The following TAFA2 variants were observed in gnomAD, a reference collection of about 807,000 sequenced individuals.
TAFA2 encodes TAFA chemokine like family member 2.
In TAFA2, 7 loss-of-function variants were observed where a neutral mutation model predicts 18.8. That is an observed-to-expected ratio of 0.37 (90% confidence interval 0.21 to 0.70). The LOEUF (loss-of-function observed/expected upper bound fraction) is 0.70, where lower values mean the gene tolerates loss of function less well. Ranked by LOEUF, TAFA2 falls within the 30% of genes least tolerant of loss-of-function variation. The probability of loss-of-function intolerance (pLI) is 0.53; values close to 1 mark genes in which losing one functional copy is unlikely to be tolerated. For missense variants in TAFA2, 122 were observed against 158.1 expected, an observed-to-expected ratio of 0.77 and a Z score of 1.23; for synonymous variants, 60 against 54.2, an observed-to-expected ratio of 1.11 and a Z score of -0.47.
At chr12:62,007,083 C>T (rs1213401562) in intron 1 of TAFA2, among the ~76,000 whole-genome samples, 1 of 152,086 alleles carries the variant, frequency 6.6e-6, no homozygotes, top group Admixed American at 6.6e-5. Flanking sequence ...CACCTGGCCA[C>T]CTCTCTACCA....
intron 2 of TAFA2, among the ~76,000 whole-genome samples, chr12:61,847,179 C>A (rs927801899): frequency 6.6e-6 from 1 of 152,210 alleles, no homozygotes; most frequent in Non-Finnish European, 1.5e-5. Flanking sequence ...ATCTCTTCTG[C>A]TGTTGTGATT....
intron 1 of TAFA2, among the ~76,000 whole-genome samples, chr12:61,977,174 C>A (rs1312626535): frequency 6.6e-6 from 1 of 152,130 alleles, no homozygotes; most frequent in South Asian, 2.1e-4. Flanking sequence ...ACTACATATA[C>A]TTTACTCCCA....
chr12:61,967,141 T>A (rs1879095130), intron 1 of TAFA2, among the ~76,000 whole-genome samples: 2 of 151,846 alleles, frequency 1.3e-5, no homozygotes, highest in South Asian at 4.1e-4. Flanking sequence ...AGCGAAGATG[T>A]GACATTTGAG....
intron 1 of TAFA2, among the ~76,000 whole-genome samples, chr12:62,179,920 C>T (rs986914612): frequency 2.6e-5 from 4 of 152,130 alleles, no homozygotes; most frequent in African/African-American, 9.7e-5. Context: ...CAGTTCACTC[C>T]GGTCTGCCAT....
intron 2 of TAFA2, among the ~76,000 whole-genome samples, chr12:61,824,467 T>G (rs1352051888): frequency 6.6e-6 from 1 of 152,168 alleles, no homozygotes; most frequent in Non-Finnish European, 1.5e-5. Context: ...GTATAGAGTA[T>G]GTATTAGTGC....
chr12:61,718,803 C>A (rs1158148723), intron 4 of TAFA2, among the ~76,000 whole-genome samples: 1 of 152,064 alleles, frequency 6.6e-6, no homozygotes, highest in East Asian at 1.9e-4. Flanking sequence ...CCCCTTTCTG[C>A]CAGAAAGCTT....
At chr12:62,042,302 A>C (rs1881778148) in intron 1 of TAFA2, among the ~76,000 whole-genome samples, 1 of 152,074 alleles carries the variant, frequency 6.6e-6, no homozygotes, top group East Asian at 1.9e-4. Context: ...AATTAGGTTC[A>C]AACAGAAACA....
chr12:62,231,470 G>A lies in TAFA2; in HGVS notation c.-130+27293C>T, dbSNP rs1359928207. On this transcript the variant is annotated intron_variant, in intron 1 of 5. Coordinates refer to the TAFA2 transcript ENST00000551619. ...TTTCTTCACTTTCTACGTCTTTTTGGTAAAGTGAGTTTCACGTAGGCAGCA... is the reference window on the plus strand; with the variant it reads ...TTTCTTCACTTTCTACGTCTTTTTGATAAAGTGAGTTTCACGTAGGCAGCA... 3.3e-5 allele frequency among the ~76,000 whole-genome samples: 5 copies of A among 151,888 alleles called. No homozygotes were observed. The East Asian group carries it at 9.6e-4, about 29-fold the overall frequency.
chr12:61,745,212 T>C (rs1868644276), intron 4 of TAFA2, among the ~76,000 whole-genome samples: 1 of 152,130 alleles, frequency 6.6e-6, no homozygotes, highest in Non-Finnish European at 1.5e-5. Context: ...ATGTAAAACA[T>C]AAAACTTGCT....
At chr12:61,771,144 A>T (rs1870006566) in intron 2 of TAFA2, among the ~76,000 whole-genome samples, 1 of 152,108 alleles carries the variant, frequency 6.6e-6, no homozygotes, top group African/African-American at 2.4e-5. Context: ...GTTTAAAAAG[A>T]CAAAGAAGGA....
chr12:62,199,239 A>T (rs182354416), intron 1 of TAFA2, among the ~76,000 whole-genome samples: 1 of 152,168 alleles, frequency 6.6e-6, no homozygotes, highest in East Asian at 1.9e-4. Flanking sequence ...CATGTGCAAG[A>T]CGTCTAGGTT....
At chr12:62,152,011 G>T (rs1290557418) in intron 1 of TAFA2, among the ~76,000 whole-genome samples, 2 of 152,120 alleles carry the variant, frequency 1.3e-5, no homozygotes, top group Non-Finnish European at 2.9e-5. Context: ...CAATAAAGTG[G>T]ACATTTTTGA....
intron 2 of TAFA2, among the ~76,000 whole-genome samples, chr12:61,756,028 A>C (rs571696568): frequency 3.3e-5 from 5 of 152,102 alleles, no homozygotes; most frequent in Admixed American, 6.6e-5. Flanking sequence ...TAAGTTGTTT[A>C]ATGGCATAAA....
At chr12:61,902,384 T>C (rs942617467) in intron 1 of TAFA2, among the ~76,000 whole-genome samples, 3 of 152,206 alleles carry the variant, frequency 2.0e-5, no homozygotes, top group African/African-American at 7.2e-5. Context: ...AAAAATATCA[T>C]AGAAACTATC....
intron 4 of TAFA2, among the ~76,000 whole-genome samples, chr12:61,752,159 A>C (rs1869050175): frequency 6.6e-6 from 1 of 152,004 alleles, no homozygotes; most frequent in Non-Finnish European, 1.5e-5. Context: ...AAAGGAGATA[A>C]TAACACTATC....
rs144893370 is a variant in TAFA2, at chr12:61,811,099, T to C, written c.107-56075A>G. On this transcript the variant is annotated intron_variant, in intron 2 of 4. Transcript: ENST00000416284. ...TATATAACTTATATCTAAATAAAAA[T>C]AAGCGTTCCTTAAAAAGGGAAGTTT... is the stretch of plus-strand genomic sequence containing the variant. Among the ~76,000 whole-genome samples the C allele has an allele frequency of 4.4e-4, 67 of 151,202 alleles. No homozygotes were observed. In the East Asian group the frequency reaches 0.012, roughly 28 times the overall value.
At chr12:61,791,053 A>T in intron 2 of TAFA2, among the ~76,000 whole-genome samples, 1 of 151,638 alleles carries the variant, frequency 6.6e-6, no homozygotes, top group Admixed American at 6.6e-5. Flanking sequence ...AGAAATAAAT[A>T]CACACATCAG....
chr12:61,860,151 C>A (rs1309298134), intron 2 of TAFA2, among the ~76,000 whole-genome samples: 1 of 152,054 alleles, frequency 6.6e-6, no homozygotes, highest in Non-Finnish European at 1.5e-5. Flanking sequence ...TGAATTAAAC[C>A]AGATGAAAAG....
At chr12:62,078,178 G>A (rs190846185) in intron 1 of TAFA2, among the ~76,000 whole-genome samples, 1 of 152,146 alleles carries the variant, frequency 6.6e-6, no homozygotes, top group African/African-American at 2.4e-5. Flanking sequence ...TTAACAAGCT[G>A]ACCCAAGTCA....
Sources: gnomAD v4.1 joint callset for allele counts (sites outside exome capture counted in the v4.1 genomes callset) on GRCh38, gnomAD v4.1.1 for gene constraint, MANE v1.5 for transcripts, NCBI Gene and HGNC (gene_info 2026-07-23, HGNC 2026-07-21) for gene names.